SHANK2: variants seen among roughly 807,000 people sequenced by gnomAD.
The protein encoded by SHANK2 is SH3 and multiple ankyrin repeat domains protein 2.
Under a neutral mutation model 133.7 loss-of-function variants are expected in SHANK2, and 43 were observed. The ratio of observed to expected loss-of-function variants is 0.32; its 90% confidence interval spans 0.25 to 0.41. SHANK2 has a LOEUF of 0.41. Ranked by LOEUF, SHANK2 falls within the 10% of genes least tolerant of loss-of-function variation. The probability of loss-of-function intolerance (pLI) is 1.00; values close to 1 mark genes in which losing one functional copy is unlikely to be tolerated. For synonymous variants in SHANK2, 1,017 were observed against 952.8 expected (o/e 1.07, Z -1.24); for missense variants, 1,994 against 2,235.8 (o/e 0.89, Z 2.18).
intron 2 of SHANK2, among the ~76,000 whole-genome samples, chr11:71,157,118 A>G (rs1333020665): frequency 2.6e-5 from 4 of 151,068 alleles, no homozygotes; most frequent in African/African-American, 9.7e-5. Context: ...AGTATAATAA[A>G]TATATATATA....
At chr11:70,489,946 G>A (rs1190062746) in intron 23 of SHANK2, 6 of 376,746 alleles carry the variant, frequency 1.6e-5, no homozygotes, top group Non-Finnish European at 2.5e-5. Context: ...AGGGCAGGGT[G>A]GGGGAGGGGG....
In SHANK2 at chr11:71,084,259, C is replaced by A. The variant is rs963740619; in HGVS notation, c.912+8163G>T. Among the ~76,000 whole-genome samples, 7 of 152,304 alleles carry A rather than the reference C, an allele frequency of 4.6e-5. No homozygotes were observed. In the East Asian group the frequency reaches 1.2e-3, roughly 25 times the overall value. On this transcript the variant is annotated intron_variant, in intron 8 of 25. Transcript: ENST00000601538. Reference sequence around the variant, plus strand: ...GTGCTGCGATTACAGGCATAAGCCACCGCACCCGGCCCGAATAACAACTTT... The same window carrying A: ...GTGCTGCGATTACAGGCATAAGCCAACGCACCCGGCCCGAATAACAACTTT...
intron 17 of SHANK2, among the ~76,000 whole-genome samples, chr11:70,567,578 G>A (rs2059983689): frequency 6.6e-6 from 1 of 151,928 alleles, no homozygotes; most frequent in African/African-American, 2.4e-5. Flanking sequence ...AGTGAGCCAA[G>A]GTCGCACTAC....
intron 11 of SHANK2, among the ~76,000 whole-genome samples, chr11:70,855,383 A>T (rs1349796928): frequency 3.9e-5 from 6 of 152,150 alleles, no homozygotes; most frequent in African/African-American, 1.4e-4. Flanking sequence ...TCAGTCACAG[A>T]AGGTTTCAGA....
chr11:71,061,037 C>A lies in SHANK2; in HGVS notation c.1030-4479G>T, dbSNP rs898245935. Among the ~76,000 whole-genome samples the A allele has an allele frequency of 1.1e-3, 167 of 152,318 alleles. 1 individual carries two copies. Among genetic ancestry groups the A allele is most frequent in the African/African-American group, 3.7e-3 (153 of 41,578 alleles). On this transcript the variant is annotated intron_variant, in intron 9 of 25. Transcript: ENST00000601538. ...AAACGAATCTTTCATTTCTGGGGTA[C>A]AATTAAATCCAGAGTTTCAAAAACA...
At chr11:70,948,885 A>C (rs1229794826) in intron 10 of SHANK2, among the ~76,000 whole-genome samples, 2 of 152,226 alleles carry the variant, frequency 1.3e-5, no homozygotes, top group Admixed American at 6.5e-5. Context: ...AAATTAAAAA[A>C]ATTAAATTTT....
At chr11:70,902,112 G>A (rs1590813771) in intron 10 of SHANK2, among the ~76,000 whole-genome samples, 1 of 152,330 alleles carries the variant, frequency 6.6e-6, no homozygotes, top group Non-Finnish European at 1.5e-5. Context: ...TCAGACGATG[G>A]GCAGCCAGTT....
At chr11:70,566,422 T>G (rs2059968831) in intron 17 of SHANK2, 1 of 151,740 alleles carries the variant, frequency 6.6e-6, no homozygotes, top group South Asian at 2.1e-4. Context: ...CAAATGGGAG[T>G]GGAAAAGTGA....
At chr11:71,115,146 T>C (rs1255754097) in intron 4 of SHANK2, among the ~76,000 whole-genome samples, 2 of 152,144 alleles carry the variant, frequency 1.3e-5, no homozygotes, top group African/African-American at 4.8e-5. Context: ...CAGTGGGTCA[T>C]GCAAAGGAGA....
intron 15 of SHANK2, among the ~76,000 whole-genome samples, chr11:70,695,856 G>C (rs1945381122): frequency 6.6e-6 from 1 of 152,204 alleles, no homozygotes; most frequent in Non-Finnish European, 1.5e-5. Flanking sequence ...GTCACATGAG[G>C]CCCACAGCTT....
intron 11 of SHANK2, among the ~76,000 whole-genome samples, chr11:70,888,824 AAGAAAAAAAAAAG>A (rs1450077493): frequency 1.4e-5 from 2 of 141,114 alleles, no homozygotes; most frequent in East Asian, 2.0e-4. Flanking sequence ...CTCAAAAAAA[AAGAAAAAAAAAAG>A]AGAGAAAGAG....
At chr11:70,798,027 C>T (rs1377816832) in intron 14 of SHANK2, among the ~76,000 whole-genome samples, 3 of 152,166 alleles carry the variant, frequency 2.0e-5, no homozygotes, top group East Asian at 3.9e-4. Context: ...CTCTTTCGAG[C>T]AGTTTTTACG....
chr11:70,539,178 C>G (rs1443074119), intron 17 of SHANK2, among the ~76,000 whole-genome samples: 6 of 152,122 alleles, frequency 3.9e-5, no homozygotes, highest in Admixed American at 3.9e-4. Flanking sequence ...AGGGAGAGGC[C>G]GGATGGCAGA....
At chr11:70,815,187 C>T (rs1241389825) in intron 12 of SHANK2, among the ~76,000 whole-genome samples, 1 of 54,716 alleles carries the variant, frequency 1.8e-5, no homozygotes, top group Admixed American at 2.0e-4. Context: ...CACACACACA[C>T]ACACACACAC....
At chr11:70,742,569 A>G (rs1946551090) in intron 14 of SHANK2, among the ~76,000 whole-genome samples, 1 of 152,204 alleles carries the variant, frequency 6.6e-6, no homozygotes, top group Non-Finnish European at 1.5e-5. Flanking sequence ...CCACAGTCCC[A>G]GTCCAGTTCA....
intron 10 of SHANK2, chr11:70,942,613 A>G (rs1473300402): frequency 2.2e-6 from 1 of 456,798 alleles, no homozygotes; most frequent in East Asian, 6.9e-5. Flanking sequence ...GACCTAGCAG[A>G]CTAGCAGAGT....
rs898663368 is a variant in SHANK2, at chr11:71,086,766, G to A, written c.912+5656C>T. 2.0e-3 allele frequency among the ~76,000 whole-genome samples: 305 copies of A among 152,108 alleles called. 1 individual carries two copies. Among genetic ancestry groups the A allele is most frequent in the African/African-American group, 6.9e-3 (287 of 41,504 alleles). On this transcript the variant is annotated intron_variant, in intron 8 of 25. Coordinates refer to ENST00000601538, the MANE Select transcript of SHANK2 (RefSeq NM_012309.5). Reference sequence around the variant, plus strand: ...TATGAGGATGATCTGGGAGGCAGGCGGCACTGTCCGCTGCTCCTGCAGGCC... The same window carrying A: ...TATGAGGATGATCTGGGAGGCAGGCAGCACTGTCCGCTGCTCCTGCAGGCC...
intron 17 of SHANK2, among the ~76,000 whole-genome samples, chr11:70,615,443 G>A (rs782376868): frequency 1.4e-4 from 22 of 152,038 alleles, no homozygotes; most frequent in Admixed American, 2.6e-4. Flanking sequence ...AGTCTTCCCC[G>A]GAAACATGAT....
chr11:71,103,655 T>A (rs1555097140), intron 6 of SHANK2, among the ~76,000 whole-genome samples: 1 of 152,148 alleles, frequency 6.6e-6, no homozygotes, highest in Non-Finnish European at 1.5e-5. Flanking sequence ...TGCCCAAATC[T>A]CACGTGGAGA....
Sources: allele counts gnomAD v4.1 joint callset (sites outside exome capture counted in the v4.1 genomes callset), GRCh38; gene constraint gnomAD v4.1.1; transcripts MANE v1.5; gene names NCBI Gene and HGNC (gene_info 2026-07-23, HGNC 2026-07-21).